IFT80: variants seen among roughly 807,000 people sequenced by gnomAD.
The protein encoded by IFT80 is intraflagellar transport protein 80 homolog.
A neutral mutation model predicts 107.9 loss-of-function variants in IFT80; 79 were observed. The observed-to-expected ratio is 0.73, with a 90% CI of 0.61 to 0.88. The LOEUF is 0.88. Ranked by LOEUF, IFT80 falls within the 40% of genes least tolerant of loss-of-function variation. The pLI is 0.00. For missense variants in IFT80, 797 were observed against 914.2 expected (o/e 0.87, Z 1.65); for synonymous variants, 299 against 300.9 (o/e 0.99, Z 0.07).
chr3:160,268,523 C>A lies in IFT80; in HGVS notation c.2113G>T (p.Ala705Ser). ...TCAACATGTGTTTTGTATTTTACAG[C>A]CAATTCCAGTGCCCTATAATGAGAA... ...LYNWERALEL[A>S]VKYKTHVDTV... is the part of the protein sequence containing the mutation. The change falls in exon 19 of 20, where the codon GCT (alanine) becomes TCT (serine). Residue 705 changes from alanine to serine, a missense_variant. Coordinates refer to ENST00000326448, the MANE Select transcript of IFT80 (RefSeq NM_020800.3). 2 of 1,613,194 alleles carry A rather than the reference C, an allele frequency of 1.2e-6. No individual in the cohort carries two copies. Among genetic ancestry groups the A allele is most frequent in the Non-Finnish European group, 1.7e-6 (2 of 1,179,414 alleles).
intron 1 of IFT80, among the ~76,000 whole-genome samples, chr3:160,391,120 C>T (rs1713349765): frequency 6.6e-6 from 1 of 152,144 alleles, no homozygotes; most frequent in Non-Finnish European, 1.5e-5. Flanking sequence ...TATGGGGTAG[C>T]CCTGCTCCGC....
rs893372209 is a variant in IFT80 at position 160,293,443 on chromosome 3, T to G, written c.1315+7440A>C. On this transcript the variant is annotated intron_variant, in intron 12 of 19. Transcript: ENST00000326448. ...AGTATAATACTGATAGTACTGGGAA[T>G]GGAATTAAAAGCCTCCTATCTCTAC... 2.0e-5 allele frequency among the ~76,000 whole-genome samples: 3 copies of G among 152,196 alleles called. No individual in the cohort carries two copies. The East Asian group carries it at 5.8e-4, about 29-fold the overall frequency.
chr3:160,267,369 G>A (rs1007147546), intron 19 of IFT80, among the ~76,000 whole-genome samples: 20 of 152,086 alleles, frequency 1.3e-4, no homozygotes, highest in Admixed American at 6.6e-5. Flanking sequence ...CACCAAGAAG[G>A]TATGCTCCCA....
chr3:160,381,366 C>A, intron 3 of IFT80, 137 bp downstream of exon 3: 1 of 718,324 alleles, frequency 1.4e-6, no homozygotes, highest in South Asian at 1.7e-5. Flanking sequence ...AGTGACTATT[C>A]AGAAAAGAAA....
intron 8 of IFT80, among the ~76,000 whole-genome samples, chr3:160,325,663 C>CA (rs1420818478): frequency 1.3e-5 from 2 of 152,050 alleles, no homozygotes; most frequent in African/African-American, 4.8e-5. Flanking sequence ...TTTGCATATA[C>CA]ATAAAAAGAT....
intron 9 of IFT80, among the ~76,000 whole-genome samples, chr3:160,313,311 T>A (rs1435879175): frequency 6.6e-6 from 1 of 150,898 alleles, no homozygotes; most frequent in African/African-American, 2.4e-5. Context: ...CAACATGCTA[T>A]CTATTCAAAC....
chr3:160,363,863 T>G (rs954013637), intron 6 of IFT80, among the ~76,000 whole-genome samples: 1 of 152,208 alleles, frequency 6.6e-6, no homozygotes, highest in Non-Finnish European at 1.5e-5. Context: ...TAATTCAAGA[T>G]GGGTTAAAGT....
chr3:160,354,307 T>C (rs1473102693), intron 8 of IFT80, among the ~76,000 whole-genome samples: 1 of 152,018 alleles, frequency 6.6e-6, no homozygotes, highest in Non-Finnish European at 1.5e-5. Flanking sequence ...TTAGAGTCAA[T>C]GGAAGGCATG....
chr3:160,324,776 T>C (rs368027143), intron 8 of IFT80, among the ~76,000 whole-genome samples: 26 of 152,208 alleles, frequency 1.7e-4, no homozygotes, highest in African/African-American at 5.5e-4. Flanking sequence ...GAAGTTCTGG[T>C]CAGGGCAATT....
At chr3:160,282,802 A>G (rs1453439207) in intron 13 of IFT80, among the ~76,000 whole-genome samples, 189 bp from the exon 14 acceptor site, 4 of 152,200 alleles carry the variant, frequency 2.6e-5, no homozygotes, top group Non-Finnish European at 5.9e-5. Flanking sequence ...GCACTGAAGT[A>G]TATTTGCCTG....
At chr3:160,344,933 G>T (rs141511591) in intron 8 of IFT80, among the ~76,000 whole-genome samples, 2 of 152,184 alleles carry the variant, frequency 1.3e-5, no homozygotes, top group East Asian at 3.9e-4. Flanking sequence ...CTAAAAGACA[G>T]GCAATAACAA....
At chr3:160,386,373 T>G (rs1046244352) in intron 1 of IFT80, among the ~76,000 whole-genome samples, 25 of 152,348 alleles carry the variant, frequency 1.6e-4, no homozygotes, top group African/African-American at 6.0e-4. Flanking sequence ...GAGGTGTTTT[T>G]ATCTGCCTAA....
intron 6 of IFT80, among the ~76,000 whole-genome samples, chr3:160,364,556 T>C (rs1721729334): frequency 6.6e-6 from 1 of 152,178 alleles, no homozygotes; most frequent in Non-Finnish European, 1.5e-5. Flanking sequence ...TGCATACATA[T>C]ATTTATGGTG....
At chr3:160,327,798 G>T (rs1305654152) in intron 8 of IFT80, among the ~76,000 whole-genome samples, 1 of 151,968 alleles carries the variant, frequency 6.6e-6, no homozygotes, top group Non-Finnish European at 1.5e-5. Flanking sequence ...CAGGATGAAG[G>T]TGCCAAAAGC....
At chr3:160,306,653 T>G (rs1716850691) in intron 10 of IFT80, among the ~76,000 whole-genome samples, 1 of 152,196 alleles carries the variant, frequency 6.6e-6, no homozygotes, top group Non-Finnish European at 1.5e-5. Context: ...TTCTTCTATT[T>G]CATTATTCCA....
At chr3:160,326,489 G>A (rs1050655612) in intron 8 of IFT80, among the ~76,000 whole-genome samples, 1 of 152,038 alleles carries the variant, frequency 6.6e-6, no homozygotes, top group African/African-American at 2.4e-5. Context: ...GATCAAGTAG[G>A]CTTCATTCCC....
At chr3:160,343,842 T>C (rs1164117879) in intron 8 of IFT80, 1 of 292,804 alleles carries the variant, frequency 3.4e-6, no homozygotes, top group Admixed American at 4.6e-5. Context: ...ATTTATTTTA[T>C]TTATTGATTT....
rs150743657 is a variant in IFT80, at chr3:160,356,049, T to C, written c.741A>G (p.Gly247=). Residue 247 remains glycine (G), a synonymous_variant, in exon 8 of 20, where the codon GGA becomes GGG. Coordinates refer to ENST00000326448, the MANE Select transcript of IFT80 (RefSeq NM_020800.3). ...WAPDGELFAV[G]SFHTLRLCDK... ...CACACAAGCGTAAAGTATGAAACGA[T>C]CCAACAGCAAATAATTCTCCATCTG... The C allele has an allele frequency of 5.6e-6, 9 of 1,613,984 alleles. No homozygotes were observed. Among genetic ancestry groups the C allele is most frequent in the Non-Finnish European group, 7.6e-6 (9 of 1,179,992 alleles).
chr3:160,278,935 T>C (rs1714478159), intron 16 of IFT80, among the ~76,000 whole-genome samples: 1 of 152,224 alleles, frequency 6.6e-6, no homozygotes, highest in African/African-American at 2.4e-5. Context: ...CTTGGGAACC[T>C]GACTTTCAGA....
Sources: allele counts gnomAD v4.1 joint callset (sites outside exome capture counted in the v4.1 genomes callset), GRCh38; gene constraint gnomAD v4.1.1; transcripts MANE v1.5; gene names NCBI Gene and HGNC (gene_info 2026-07-23, HGNC 2026-07-21).